Variants in KDM1A observed in about 807,000 individuals in gnomAD.
KDM1A encodes the protein lysine demethylase 1A.
A neutral mutation model predicts 109.4 loss-of-function variants in KDM1A; 49 were observed. The observed-to-expected ratio is 0.45, with a 90% CI of 0.36 to 0.57. The LOEUF (loss-of-function observed/expected upper bound fraction) is 0.57, where lower values mean the gene tolerates loss of function less well. Ranked by LOEUF, KDM1A falls within the 20% of genes least tolerant of loss-of-function variation. The pLI is 0.00. For synonymous variants in KDM1A, 380 were observed against 415.4 expected, an observed-to-expected ratio of 0.91 and a Z score of 1.04; for missense variants, 668 against 1,116.6, an observed-to-expected ratio of 0.60 and a Z score of 5.73.
intron 2 of KDM1A, among the ~76,000 whole-genome samples, chr1:23,041,511 C>T (rs1198954547): frequency 1.5e-5 from 2 of 135,978 alleles, no homozygotes; most frequent in African/African-American, 2.7e-5. Context: ...GGTGCAATCT[C>T]GGCTCACTGC....
chr1:23,079,642 C>G lies in KDM1A; in HGVS notation c.2145C>G (p.Leu715=), dbSNP rs1643562752. ...GTACGACTGCCAGCAGGGGTGAGCT[C>G]TTCCTCTTCTGGAACCTCTATAAAG... The part of the protein sequence containing the change: ...VGSTTASRGE[L]FLFWNLYKAP... Residue 715 remains leucine (L), a synonymous_variant, in exon 18 of 21, where the codon CTC becomes CTG. Coordinates refer to ENST00000400181, the MANE Select transcript of KDM1A (RefSeq NM_001009999.3). This position sits in a 1 kb window ranked among gnomAD's most constrained non-coding sequence, Gnocchi z 5.6. 6.2e-7 allele frequency: 1 copy of G among 1,612,692 alleles called. No homozygotes were observed. Among genetic ancestry groups the G allele is most frequent in the African/African-American group, 1.3e-5 (1 of 74,994 alleles).
chr1:23,049,556 G>T lies in KDM1A; in HGVS notation c.578-831G>T, dbSNP rs200650184. Among the ~76,000 whole-genome samples, 13 of 151,316 alleles carry T rather than the reference G, an allele frequency of 8.6e-5. No homozygotes were observed. In the East Asian group the frequency reaches 2.4e-3, roughly 27 times the overall value. ...AAAAATTAGCCAGGCATGGGAGCGGGTGCCTGTAATCCCAGCTACTCGAGA... is the reference window on the plus strand; with the variant it reads ...AAAAATTAGCCAGGCATGGGAGCGGTTGCCTGTAATCCCAGCTACTCGAGA... On this transcript the variant is annotated intron_variant, in intron 3 of 20. Transcript: ENST00000400181.
intron 7 of KDM1A, 51 bp downstream of exon 7, chr1:23,056,089 A>G (rs780151509): frequency 2.5e-6 from 3 of 1,212,740 alleles, no homozygotes; most frequent in East Asian, 4.7e-5. Context: ...AAATATGGTA[A>G]GCAAATTATC....
intron 2 of KDM1A, among the ~76,000 whole-genome samples, chr1:23,042,441 T>TTATTATAA (rs1553127469): frequency 1.2e-4 from 3 of 24,222 alleles, no homozygotes; most frequent in Non-Finnish European, 2.1e-4. Flanking sequence ...AAATATATTA[T>TTATTATAA]TTTTTTTTTT....
chr1:23,058,925 T>C (rs1337212263), intron 8 of KDM1A, 148 bp from the exon 9 acceptor site: 6 of 469,702 alleles, frequency 1.3e-5, no homozygotes, highest in Non-Finnish European at 2.2e-5. Context: ...TTACATATTT[T>C]TACTTAGAGT....
chr1:23,069,277 T>C (rs1224104988), intron 12 of KDM1A, 126 bp downstream of exon 12: 3 of 561,980 alleles, frequency 5.3e-6, no homozygotes, highest in African/African-American at 3.9e-5. Context: ...CTGGGACTCA[T>C]TCTTAAGAAA....
At chr1:23,059,298 AGAT>A in intron 9 of KDM1A, 131 bp downstream of exon 9, 1 of 756,828 alleles carries the variant, frequency 1.3e-6, no homozygotes, top group Non-Finnish European at 2.4e-6. Context: ...CTGAGGGTAG[AGAT>A]GATGTGATGT....
At chr1:23,032,280 A>G (rs748968668) in intron 2 of KDM1A, among the ~76,000 whole-genome samples, 67 of 151,468 alleles carry the variant, frequency 4.4e-4, no homozygotes, top group Admixed American at 6.6e-4. Context: ...TTGATTTACC[A>G]TAGGTTCCAA....
At chr1:23,041,972 T>G (rs779372528) in intron 2 of KDM1A, among the ~76,000 whole-genome samples, 2 of 152,082 alleles carry the variant, frequency 1.3e-5, no homozygotes, top group African/African-American at 2.4e-5. Context: ...GAAATCCATC[T>G]TTTTTTGTGA....
At chr1:23,073,129 G>C (rs1184386056) in intron 14 of KDM1A, 163 bp from the exon 15 acceptor site, 2 of 516,036 alleles carry the variant, frequency 3.9e-6, no homozygotes, top group Non-Finnish European at 6.9e-6. Flanking sequence ...CAGAGATAAA[G>C]AGGTTAATAA....
chr1:23,079,692 T>C lies in KDM1A; in HGVS notation c.2170+25T>C. 1 of 1,427,924 alleles carries C rather than the reference T, an allele frequency of 7.0e-7. No individual in the cohort carries two copies. The highest frequency in any genetic ancestry group is 9.7e-7 in the Non-Finnish European group (1 of 1,026,894). The allele number at this position is 1,427,924 out of a possible 1,614,324, so 88.5% of individuals were successfully genotyped here. A position where few individuals can be genotyped will look rare whatever the true frequency, so the allele number is the denominator to read the frequency against. On this transcript the variant is annotated intron_variant, in intron 18 of 20. Coordinates refer to ENST00000400181, the MANE Select transcript of KDM1A (RefSeq NM_001009999.3). This position sits in a 1 kb window ranked among gnomAD's most constrained non-coding sequence, Gnocchi z 5.6. The stretch of plus-strand genomic sequence containing the variant: ...GGTAAATGCCTTCTAATTTTAATCT[T>C]TTCCATATCCTTACAGGAATATAGA...
chr1:23,055,894 C>T, intron 6 of KDM1A, 38 bp from the exon 7 acceptor site: 1 of 1,441,710 alleles, frequency 6.9e-7, no homozygotes, highest in Non-Finnish European at 9.6e-7. Context: ...AACTTTTATA[C>T]CTAAAACAAA....
rs966960268 is a variant in KDM1A, at chr1:23,079,768, T to C, written c.2170+101T>C. On this transcript the variant is annotated intron_variant, in intron 18 of 20. Transcript: ENST00000400181. The surrounding 1 kb of genome is among the most constrained non-coding windows in gnomAD (Gnocchi z 5.6). ...ATATATATGCCTTAATTTCTCTCTT[T>C]ATTAACTCAACAAACAATTCCTGAA... The C allele has an allele frequency of 7.6e-6, 5 of 660,900 alleles. No individual in the cohort carries two copies. Among genetic ancestry groups the C allele is most frequent in the African/African-American group, 1.9e-5 (1 of 53,806 alleles). 40.9% of individuals were successfully genotyped at this position (660,900 alleles called of 1,614,324 possible).
chr1:23,058,803 G>A (rs534269395), intron 8 of KDM1A, among the ~76,000 whole-genome samples: 3 of 152,098 alleles, frequency 2.0e-5, no homozygotes, highest in South Asian at 2.1e-4. Flanking sequence ...AAAACAATAC[G>A]TATTATGATA....
At position 23,079,445 on chromosome 1, in the gene KDM1A, T is replaced by C. The variant is rs1394676080; in HGVS notation, c.2056-108T>C. The C allele has an allele frequency of 1.2e-6, 1 of 844,542 alleles. No homozygotes were observed. Among genetic ancestry groups the C allele is most frequent in the African/African-American group, 1.7e-5 (1 of 58,796 alleles). The allele number at this position is 844,542 out of a possible 1,614,324, so 52.3% of individuals were successfully genotyped here. A position where few individuals can be genotyped will look rare whatever the true frequency, so the allele number is the denominator to read the frequency against. ...TAAATGTCATCCTAAATAATAAGGA[T>C]TGCTGGGCTTATTTTGAAAGCAGAT... On this transcript the variant is annotated intron_variant, in intron 17 of 20. Coordinates refer to ENST00000400181, the MANE Select transcript of KDM1A (RefSeq NM_001009999.3). This position sits in a 1 kb window ranked among gnomAD's most constrained non-coding sequence, Gnocchi z 5.6.
At chr1:23,063,549 C>T (rs911957506) in intron 9 of KDM1A, among the ~76,000 whole-genome samples, 2 of 152,170 alleles carry the variant, frequency 1.3e-5, no homozygotes, top group African/African-American at 4.8e-5. Context: ...ATCTTTATGA[C>T]AGTCTTTCTC....
intron 4 of KDM1A, 46 bp from the exon 5 acceptor site, chr1:23,053,715 C>T (rs541120094): frequency 3.2e-6 from 4 of 1,260,464 alleles, no homozygotes; most frequent in African/African-American, 3.0e-5. Flanking sequence ...AGTCAAATAA[C>T]ATATGTCTAT....
chr1:23,050,378 C>T lies in KDM1A; in HGVS notation c.578-9C>T, dbSNP rs771940651. On this transcript the variant is annotated splice_polypyrimidine_tract_variant and intron_variant, in intron 3 of 20. Transcript: ENST00000400181. ...ACTTTTCCTAGATGTCCTTTGCTTT[C>T]TTCGTTAGGTGTGGAGGGCGCAGCT... 4.4e-6 allele frequency: 7 copies of T among 1,597,666 alleles called. No individual in the cohort carries two copies. In the African/African-American group the frequency reaches 9.5e-5, roughly 22 times the overall value.
chr1:23,079,300 C>G lies in KDM1A; in HGVS notation c.2055+123C>G. 1.0e-6 allele frequency: 1 copy of G among 977,022 alleles called. No individual in the cohort carries two copies. 60.5% of individuals were successfully genotyped at this position (977,022 alleles called of 1,614,324 possible). A position where few individuals can be genotyped will look rare whatever the true frequency, so the allele number is the denominator to read the frequency against. ...TTGGCTATGCTCCCAATTGTGACAT[C>G]AGGGCTGAGGCGTGTCAGTTGATTC... On this transcript the variant is annotated intron_variant, in intron 17 of 20. Coordinates refer to ENST00000400181, the MANE Select transcript of KDM1A (RefSeq NM_001009999.3). This position sits in a 1 kb window ranked among gnomAD's most constrained non-coding sequence, Gnocchi z 5.6.
Sources: allele counts gnomAD v4.1 joint callset (sites outside exome capture counted in the v4.1 genomes callset), GRCh38; gene constraint gnomAD v4.1.1; non-coding constraint Gnocchi (gnomAD v3.1); transcripts MANE v1.5; gene names NCBI Gene and HGNC (gene_info 2026-07-23, HGNC 2026-07-21).